PPM1D: variants seen among roughly 807,000 people sequenced by gnomAD.
PPM1D encodes the protein protein phosphatase 1D.
In PPM1D, 52 loss-of-function variants were observed where a neutral mutation model predicts 58.3. That is an observed-to-expected ratio of 0.89 (90% CI 0.71 to 1.12). The LOEUF is 1.12. Ranked by LOEUF, PPM1D falls within the 50% of genes most tolerant of loss-of-function variation. PPM1D has a pLI of 0.00. For synonymous variants in PPM1D, 278 were observed against 285.1 expected, an observed-to-expected ratio of 0.98 and a Z score of 0.25; for missense variants, 564 against 777.2, an observed-to-expected ratio of 0.73 and a Z score of 3.26.
chr17:60,618,963 ACT>A (rs895265978), intron 1 of PPM1D, among the ~76,000 whole-genome samples: 9 of 151,966 alleles, frequency 5.9e-5, no homozygotes, highest in African/African-American at 2.2e-4. Context: ...TATTAACTAT[ACT>A]CTCTGTGTTG....
rs2031599292 is a variant in PPM1D, at chr17:60,665,354, T to C, written c.*1802T>C. The C allele has an allele frequency of 6.6e-6, 1 of 152,176 alleles. No individual in the cohort carries two copies. The highest frequency in any genetic ancestry group is 2.4e-5 in the African/African-American group (1 of 41,436). The allele number at this position is 152,176 out of a possible 1,614,324, so 9.4% of individuals were successfully genotyped here. ...CCTCCTGAGTAGCTGGAACTACAGG[T>C]GCGTGCCACCATGCCTGGCTAAGTT... On this transcript the variant is annotated 3_prime_UTR_variant, in exon 6 of 6. Coordinates refer to ENST00000305921, the MANE Select transcript of PPM1D (RefSeq NM_003620.4).
rs57238632 is a variant in PPM1D, at chr17:60,638,872, C to A, written c.826+4895C>A. On this transcript the variant is annotated intron_variant, in intron 3 of 5. Transcript: ENST00000305921. ...GTCTCCTTGTCAACATTGGTACCCA[C>A]CCTATAGACACTGATGATAATTACC... Among the ~76,000 whole-genome samples the A allele has an allele frequency of 0.016, 2,386 of 152,180 alleles. 276 individuals are homozygous for A. The East Asian group carries it at 0.31, about 20-fold the overall frequency.
In PPM1D at chr17:60,631,907, G is replaced by A. The variant is rs112881412; in HGVS notation, c.702-1946G>A. Among the ~76,000 whole-genome samples, 4 of 152,140 alleles carry A rather than the reference G, an allele frequency of 2.6e-5. No homozygotes were observed. In the East Asian group the frequency reaches 5.8e-4, roughly 22 times the overall value. On this transcript the variant is annotated intron_variant, in intron 2 of 5. Transcript: ENST00000305921. ...ACTAATCATATTTCAGGCCGGGCGC[G>A]GTGGCTCACGCCTGTAATCCCAGCA...
At position 60,600,779 on chromosome 17, in the gene PPM1D, G is replaced by A; in HGVS notation, c.365G>A (p.Gly122Asp). 6.2e-7 allele frequency: 1 copy of A among 1,612,866 alleles called. No individual in the cohort carries two copies. The highest frequency in any genetic ancestry group is 8.5e-7 in the Non-Finnish European group (1 of 1,179,976). Reference protein sequence around the residue: ...AAQFAREHLWGFIKKQKGFTS... With the variant: ...AAQFAREHLWDFIKKQKGFTS... Reference sequence around the variant, plus strand: ...CAGTTTGCCCGGGAGCACTTGTGGGGTTTCATCAAGAAGCAGAAGGGTTTC... The same window carrying A: ...CAGTTTGCCCGGGAGCACTTGTGGGATTTCATCAAGAAGCAGAAGGGTTTC... The change falls in exon 1 of 6, where the codon GGT becomes GAT. Residue 122 changes from glycine to aspartate, a missense_variant. Gly to Asp is a moderately conservative substitution (Grantham distance 94). Transcript: ENST00000305921.
chr17:60,649,823 T>C (rs2031311845), intron 4 of PPM1D, among the ~76,000 whole-genome samples: 1 of 152,214 alleles, frequency 6.6e-6, no homozygotes, highest in Non-Finnish European at 1.5e-5. Flanking sequence ...TATAAAAAAC[T>C]AACAATCCCA....
intron 1 of PPM1D, among the ~76,000 whole-genome samples, chr17:60,615,900 C>T (rs1201848277): frequency 6.6e-6 from 1 of 152,082 alleles, no homozygotes. Flanking sequence ...AATCACAGTG[C>T]ACTATAGCTT....
chr17:60,601,719 G>A (rs1243419919), intron 1 of PPM1D, among the ~76,000 whole-genome samples: 1 of 152,130 alleles, frequency 6.6e-6, no homozygotes, highest in Non-Finnish European at 1.5e-5. Context: ...TATGCTAGAA[G>A]GAAATAAAGG....
intron 1 of PPM1D, among the ~76,000 whole-genome samples, chr17:60,616,175 C>G (rs1461642561): frequency 1.3e-5 from 2 of 151,356 alleles, no homozygotes; most frequent in African/African-American, 2.4e-5. Flanking sequence ...GTAATCCCAG[C>G]TACTCTGGAA....
intron 4 of PPM1D, among the ~76,000 whole-genome samples, chr17:60,652,863 CTTGTT>C (rs1209052982): frequency 6.6e-6 from 1 of 151,816 alleles, no homozygotes; most frequent in Non-Finnish European, 1.5e-5. Context: ...TTATTTGGGG[CTTGTT>C]TTGTTTTGTT....
At chr17:60,604,797 A>G (rs577271609) in intron 1 of PPM1D, 3 of 152,146 alleles carry the variant, frequency 2.0e-5, no homozygotes, top group Non-Finnish European at 4.4e-5. Context: ...TTATTGTGTC[A>G]TCAAGGATAT....
chr17:60,602,363 A>C (rs1567962732), intron 1 of PPM1D, among the ~76,000 whole-genome samples: 1 of 152,186 alleles, frequency 6.6e-6, no homozygotes, highest in Non-Finnish European at 1.5e-5. Context: ...TGAATTTGCC[A>C]TATGTTTGAA....
intron 1 of PPM1D, among the ~76,000 whole-genome samples, chr17:60,605,761 C>T (rs1038587911): frequency 2.6e-5 from 4 of 152,036 alleles, no homozygotes; most frequent in East Asian, 1.9e-4. Flanking sequence ...AAAAATTAGC[C>T]GCACGTGGTG....
At chr17:60,654,301 C>T (rs2031394805) in intron 4 of PPM1D, among the ~76,000 whole-genome samples, 1 of 142,496 alleles carries the variant, frequency 7.0e-6, no homozygotes, top group Non-Finnish European at 1.5e-5. Context: ...GAGAGAGTCT[C>T]ACTCTGTCAC....
chr17:60,655,101 T>C (rs184455396), intron 4 of PPM1D, among the ~76,000 whole-genome samples: 127 of 152,314 alleles, frequency 8.3e-4, no homozygotes, highest in African/African-American at 2.6e-3. Flanking sequence ...TATAAGCAGT[T>C]ATTGTATTAC....
intron 4 of PPM1D, among the ~76,000 whole-genome samples, chr17:60,648,599 G>A (rs1240146296): frequency 6.6e-6 from 1 of 151,910 alleles, no homozygotes; most frequent in Non-Finnish European, 1.5e-5. Flanking sequence ...TAGCCAGGAT[G>A]GTCTCGATCT....
intron 1 of PPM1D, among the ~76,000 whole-genome samples, chr17:60,616,672 T>G (rs946446528): frequency 6.6e-6 from 1 of 152,082 alleles, no homozygotes; most frequent in African/African-American, 2.4e-5. Flanking sequence ...ATAAATAGAT[T>G]AGTAGGATGA....
At chr17:60,616,344 C>T (rs2030584696) in intron 1 of PPM1D, among the ~76,000 whole-genome samples, 2 of 151,726 alleles carry the variant, frequency 1.3e-5, no homozygotes, top group African/African-American at 4.8e-5. Context: ...TTCAGTGGCT[C>T]ATGCCTGTAA....
At chr17:60,604,933 C>G (rs1243380748) in intron 1 of PPM1D, among the ~76,000 whole-genome samples, 1 of 152,208 alleles carries the variant, frequency 6.6e-6, no homozygotes, top group Non-Finnish European at 1.5e-5. Flanking sequence ...ATTCTCGTGC[C>G]TCAGCCTTCT....
At chr17:60,657,119 T>A in intron 5 of PPM1D, 1 of 1,237,482 alleles carries the variant, frequency 8.1e-7, no homozygotes, top group Non-Finnish European at 1.0e-6. Flanking sequence ...TTTAGAAGTT[T>A]GTGAAGCACT....
Sources: gnomAD v4.1 joint callset for allele counts (sites outside exome capture counted in the v4.1 genomes callset) on GRCh38, gnomAD v4.1.1 for gene constraint, MANE v1.5 for transcripts, NCBI Gene and HGNC (gene_info 2026-07-23, HGNC 2026-07-21) for gene names.